Variants in CFAP44 observed in about 807,000 individuals in gnomAD.
The protein encoded by CFAP44 is cilia and flagella associated protein 44.
In CFAP44, 134 loss-of-function variants were observed where a neutral mutation model predicts 216.2. The observed-to-expected ratio is 0.62, with a 90% CI of 0.54 to 0.72. CFAP44 has a LOEUF of 0.72. CFAP44 is among the 30% of genes least tolerant of loss of function. CFAP44 has a pLI of 0.00. For synonymous variants in CFAP44, 700 were observed against 727.6 expected (o/e 0.96, Z 0.61); for missense variants, 2,035 against 2,182.1 (o/e 0.93, Z 1.34).
At chr3:113,319,892 A>G (rs747623754) in intron 28 of CFAP44, among the ~76,000 whole-genome samples, 6 of 152,198 alleles carry the variant, frequency 3.9e-5, no homozygotes, top group Non-Finnish European at 7.3e-5. Context: ...TGGCATTACA[A>G]CTCATCCCAC....
At position 113,403,946 on chromosome 3, in the gene CFAP44, C is replaced by T. The variant is rs567449146; in HGVS notation, c.1076G>A (p.Arg359Gln). 5.0e-6 allele frequency: 8 copies of T among 1,614,136 alleles called. No homozygotes were observed. The highest frequency in any genetic ancestry group is 1.1e-5 in the South Asian group (1 of 91,080). The stretch of plus-strand genomic sequence containing the variant: ...ATTGTGACATGACTTGCTTGTCCCT[C>T]GACAGAGCTCCACTTTGATCAGACC... Reference protein sequence around the residue: ...EGGLIKVELCRGTSKSCHNGP... With the variant: ...EGGLIKVELCQGTSKSCHNGP... Residue 359 changes from arginine to glutamine, a missense_variant, in exon 9 of 35, where the codon CGA (arginine) becomes CAA (glutamine). Physicochemically the swap from Arg to Gln is conservative, Grantham distance 43. This residue lies in a region of CFAP44 where 1,883 missense variants were observed against 2,023.7 expected (regional missense o/e 0.93). Transcript: ENST00000393845.
At chr3:113,406,304 C>T (rs911512850) in intron 8 of CFAP44, among the ~76,000 whole-genome samples, 6 of 152,180 alleles carry the variant, frequency 3.9e-5, no homozygotes, top group African/African-American at 9.6e-5. Flanking sequence ...TCTTGGATCA[C>T]GATAGCAAGA....
chr3:113,341,728 G>T lies in CFAP44; in HGVS notation c.3437+16C>A. 2.1e-6 allele frequency: 3 copies of T among 1,445,794 alleles called. No individual in the cohort carries two copies. Among genetic ancestry groups the T allele is most frequent in the South Asian group, 1.5e-5 (1 of 68,426 alleles). The allele number at this position is 1,445,794 out of a possible 1,614,324, so 89.6% of individuals were successfully genotyped here. Reference sequence around the variant, plus strand: ...ACATATTAAAAAGATAAGAGTTTAGGTAAAAAAAAACTCACAGTTCCTCCC... The same window carrying T: ...ACATATTAAAAAGATAAGAGTTTAGTTAAAAAAAAACTCACAGTTCCTCCC... On this transcript the variant is annotated intron_variant, in intron 24 of 34. Coordinates refer to ENST00000393845, the MANE Select transcript of CFAP44 (RefSeq NM_001164496.2).
chr3:113,288,672 T>G lies in CFAP44; in HGVS notation c.*2885A>C, dbSNP rs1949799093. On this transcript the variant is annotated 3_prime_UTR_variant, in exon 35 of 35. Coordinates refer to ENST00000393845, the MANE Select transcript of CFAP44 (RefSeq NM_001164496.2). ...CAAAATGAAGTCTGGTGAACTTTTC[T>G]GAAGTGATAGGTGAAACATCTGCTT... 1 of 152,242 alleles carries G rather than the reference T, an allele frequency of 6.6e-6. No individual in the cohort carries two copies. Among genetic ancestry groups the G allele is most frequent in the African/African-American group, 2.4e-5 (1 of 41,456 alleles). The allele number at this position is 152,242 out of a possible 1,614,324, so 9.4% of individuals were successfully genotyped here.
intron 5 of CFAP44, among the ~76,000 whole-genome samples, chr3:113,418,775 A>G (rs1379310126): frequency 6.6e-6 from 1 of 151,770 alleles, no homozygotes; most frequent in Non-Finnish European, 1.5e-5. Context: ...GCATGATCTC[A>G]GTTCACTGCA....
chr3:113,293,777 C>T (rs563571030), intron 34 of CFAP44, among the ~76,000 whole-genome samples: 8 of 152,338 alleles, frequency 5.3e-5, no homozygotes, highest in Admixed American at 1.3e-4. Flanking sequence ...CCTCCTAATT[C>T]ACTTTTCATG....
Position 113,333,567 on chromosome 3 carries a change from C to G in CFAP44, c.3454G>C (p.Gly1152Arg), listed in dbSNP as rs1327813551. 20 of 1,532,870 alleles carry G rather than the reference C, an allele frequency of 1.3e-5. No homozygotes were observed. Among genetic ancestry groups the G allele is most frequent in the Middle Eastern group, 3.4e-4 (2 of 5,932 alleles). 95.0% of individuals were successfully genotyped at this position (1,532,870 alleles called of 1,614,324 possible). Residue 1152 changes from glycine to arginine, a missense_variant, in exon 25 of 35, where the codon GGT (glycine) becomes CGT (arginine). Coordinates refer to ENST00000393845, the MANE Select transcript of CFAP44 (RefSeq NM_001164496.2). ...EWEELYKSKP[G>R]DDYEDPKDLQ... Reference sequence around the variant, plus strand: ...TCTTTGGGATCTTCATAGTCATCACCAGGTTTACTCTTGTATCTATTAGAA... The same window carrying G: ...TCTTTGGGATCTTCATAGTCATCACGAGGTTTACTCTTGTATCTATTAGAA...
At chr3:113,401,041 G>T (rs952932576) in intron 11 of CFAP44, among the ~76,000 whole-genome samples, 199 bp downstream of exon 11, 1 of 152,066 alleles carries the variant, frequency 6.6e-6, no homozygotes, top group African/African-American at 2.4e-5. Flanking sequence ...CACTTTTCTG[G>T]TAAATTGTGT....
At chr3:113,397,674 T>G (rs937178868) in intron 13 of CFAP44, among the ~76,000 whole-genome samples, 2 of 152,142 alleles carry the variant, frequency 1.3e-5, no homozygotes, top group African/African-American at 4.8e-5. Flanking sequence ...GAACATATTT[T>G]AGGAAGAGGT....
At position 113,292,363 on chromosome 3, in the gene CFAP44, G is replaced by C. The variant is rs183165775; in HGVS notation, c.5374-615C>G. Among the ~76,000 whole-genome samples, 12 of 152,268 alleles carry C rather than the reference G, an allele frequency of 7.9e-5. No individual in the cohort carries two copies. The East Asian group carries it at 2.1e-3, about 27-fold the overall frequency. Reference sequence around the variant, plus strand: ...TATAGCATGACCAAAGTGCTTGTTTGATACCTATCTTTCCTGCGAGATCCT... The same window carrying C: ...TATAGCATGACCAAAGTGCTTGTTTCATACCTATCTTTCCTGCGAGATCCT... On this transcript the variant is annotated intron_variant, in intron 34 of 34. Coordinates refer to ENST00000393845, the MANE Select transcript of CFAP44 (RefSeq NM_001164496.2).
chr3:113,376,219 A>G (rs1933340348), intron 17 of CFAP44, among the ~76,000 whole-genome samples: 1 of 152,200 alleles, frequency 6.6e-6, no homozygotes, highest in Non-Finnish European at 1.5e-5. Flanking sequence ...AACTAAGTGG[A>G]TGATTGTCTC....
At chr3:113,321,706 T>C (rs1404658873) in intron 28 of CFAP44, among the ~76,000 whole-genome samples, 2 of 152,224 alleles carry the variant, frequency 1.3e-5, no homozygotes, top group African/African-American at 4.8e-5. Flanking sequence ...ATCAGTAGCA[T>C]TTCTATACAT....
chr3:113,392,978 C>T (rs1363343865), intron 15 of CFAP44, among the ~76,000 whole-genome samples: 2 of 152,188 alleles, frequency 1.3e-5, no homozygotes, highest in African/African-American at 4.8e-5. Context: ...ACCTGGCTCC[C>T]TTGTATCTTC....
At chr3:113,413,338 T>C (rs1559941281) in intron 6 of CFAP44, among the ~76,000 whole-genome samples, 3 of 152,204 alleles carry the variant, frequency 2.0e-5, no homozygotes, top group South Asian at 2.1e-4. Context: ...ACTCTAATGA[T>C]AGTTTATTTT....
At chr3:113,393,447 G>A (rs1047634020) in intron 15 of CFAP44, among the ~76,000 whole-genome samples, 1 of 152,038 alleles carries the variant, frequency 6.6e-6, no homozygotes, top group Admixed American at 6.6e-5. Context: ...TCCCTAGGTG[G>A]GGAAGGGGGT....
chr3:113,415,978 A>C (rs180890919), intron 6 of CFAP44, among the ~76,000 whole-genome samples: 2 of 152,170 alleles, frequency 1.3e-5, no homozygotes, highest in East Asian at 3.9e-4. Context: ...TCCCACTACT[A>C]TTGTGTGGGA....
At chr3:113,311,679 G>A (rs1950040082) in intron 28 of CFAP44, among the ~76,000 whole-genome samples, 1 of 152,170 alleles carries the variant, frequency 6.6e-6, no homozygotes. Flanking sequence ...AAATATGGAA[G>A]CGACTTTGGA....
intron 22 of CFAP44, among the ~76,000 whole-genome samples, chr3:113,352,520 T>C (rs1406270879): frequency 1.3e-5 from 2 of 152,216 alleles, no homozygotes. Context: ...ATATAGCTGG[T>C]TTTGATCACA....
At chr3:113,381,083 A>G (rs749606081) in intron 15 of CFAP44, 23 bp from the exon 16 acceptor site, 1 of 1,524,094 alleles carries the variant, frequency 6.6e-7, no homozygotes, top group South Asian at 1.4e-5. Flanking sequence ...AATTGAACAT[A>G]TTTACATTTA....
Sources: gnomAD v4.1 joint callset for allele counts (sites outside exome capture counted in the v4.1 genomes callset) on GRCh38, gnomAD v4.1.1 for gene constraint, gnomAD v4.1.1 regional missense constraint, MANE v1.5 for transcripts, NCBI Gene and HGNC (gene_info 2026-07-23, HGNC 2026-07-21) for gene names.